Variants in PES1 observed in about 807,000 individuals in gnomAD.
PES1 encodes the protein pescadillo ribosomal biogenesis factor 1.
PES1 carries 31 observed loss-of-function variants against 77.1 expected under a neutral mutation model. The observed-to-expected ratio is 0.40, with a 90% CI of 0.30 to 0.54. The LOEUF is 0.54. Ranked by LOEUF, PES1 falls within the 20% of genes least tolerant of loss-of-function variation. The pLI is 0.45. For synonymous variants in PES1, 282 were observed against 303.0 expected (o/e 0.93, Z 0.72); for missense variants, 658 against 771.7 (o/e 0.85, Z 1.75).
In PES1 at chr22:30,579,740, A is replaced by G. The variant is rs772078207; in HGVS notation, c.1354+11T>C. The G allele has an allele frequency of 2.5e-6, 4 of 1,613,108 alleles. No homozygotes were observed. The highest frequency in any genetic ancestry group is 3.3e-5 in the Admixed American group (2 of 59,974). On this transcript the variant is annotated intron_variant, in intron 12 of 14. Coordinates refer to ENST00000354694, the MANE Select transcript of PES1 (RefSeq NM_014303.4). Reference sequence around the variant, plus strand: ...CAGGGGTCAAGGCCAGCCCAGTCCCATCCCGCTCACCTGGGTCCTCTCCCC... The same window carrying G: ...CAGGGGTCAAGGCCAGCCCAGTCCCGTCCCGCTCACCTGGGTCCTCTCCCC...
chr22:30,606,921 C>G lies in PES1; in HGVS notation c.-830G>C, dbSNP rs558860061. 325 of 1,067,650 alleles carry G rather than the reference C, an allele frequency of 3.0e-4. 5 individuals carry two copies. The African/African-American group carries it at 4.5e-3, about 15-fold the overall frequency. 66.1% of individuals were successfully genotyped at this position (1,067,650 alleles called of 1,614,324 possible). A position where few individuals can be genotyped will look rare whatever the true frequency, so the allele number is the denominator to read the frequency against. On this transcript the variant is annotated 5_prime_UTR_variant, in exon 1 of 17. Coordinates refer to the PES1 transcript ENST00000402281. ...GTAGGCACCCGGTCCTGCCAATCCA[C>G]CACTGGAACAGCTGGGGGGACAGCA...
At position 30,576,687 on chromosome 22, in the gene PES1, C is replaced by T. The variant is rs763802865; in HGVS notation, c.*359G>A. 6.3e-6 allele frequency: 2 copies of T among 318,836 alleles called. No homozygotes were observed. Among genetic ancestry groups the T allele is most frequent in the Admixed American group, 9.0e-5 (2 of 22,182 alleles). The allele number at this position is 318,836 out of a possible 1,614,324, so 19.8% of individuals were successfully genotyped here. ...TGCTCCCCCTACCCTCACCCCATCA[C>T]AGCACCCTGAGAATCACGGGTCCAA... On this transcript the variant is annotated 3_prime_UTR_variant, in exon 15 of 15. Coordinates refer to ENST00000354694, the MANE Select transcript of PES1 (RefSeq NM_014303.4).
At chr22:30,587,229 G>C in intron 4 of PES1, 57 bp downstream of exon 4, 1 of 1,219,634 alleles carries the variant, frequency 8.2e-7, no homozygotes, top group Non-Finnish European at 1.2e-6. Flanking sequence ...CTGGTGCTAG[G>C]GCAGAGACCA....
Position 30,579,770 on chromosome 22 carries a change from C to T in PES1, c.1335G>A (p.Leu445=). 6.2e-7 allele frequency: 1 copy of T among 1,613,952 alleles called. No individual in the cohort carries two copies. The highest frequency in any genetic ancestry group is 1.7e-4 in the Middle Eastern group (1 of 6,052). Residue 445 remains leucine (L), a synonymous_variant, in exon 12 of 15, where the codon CTG becomes CTA. Transcript: ENST00000354694. The stretch of plus-strand genomic sequence containing the variant: ...GCTCACCTGGGTCCTCTCCCCGCTG[C>T]AGAGCCAGCAGCTTCAGCTTCTCAG... ...VPPEKLKLLA[L]QRGEDPGNLN... is the part of the protein sequence containing the mutation.
chr22:30,584,233 G>A (rs548440177), intron 6 of PES1, 132 bp downstream of exon 6: 40 of 703,084 alleles, frequency 5.7e-5, no homozygotes, highest in Middle Eastern at 2.4e-4. Context: ...ATTCTGCCGC[G>A]CCTCACCCCT....
At position 30,587,289 on chromosome 22, in the gene PES1, T is replaced by G. The variant is rs776962846; in HGVS notation, c.365A>C (p.Glu122Ala). 6.2e-7 allele frequency: 1 copy of G among 1,606,654 alleles called. No individual in the cohort carries two copies. Among genetic ancestry groups the G allele is most frequent in the Non-Finnish European group, 8.5e-7 (1 of 1,173,712 alleles). The stretch of plus-strand genomic sequence containing the variant: ...TCCTGAGGAAAGCCCGGCTCACCGT[T>G]CCTTGATGATGTGGTCGAGTTTGTA... ...PNYKLDHIIK[E>A]RYPTFIDALR... Residue 122 changes from glutamate (E) to alanine (A), a missense_variant, in exon 4 of 15, where the codon GAA becomes GCA. By Grantham distance (107) the Glu-to-Ala change is moderately radical. Transcript: ENST00000354694.
chr22:30,595,719 T>C (rs538461588), upstream of PES1, among the ~76,000 whole-genome samples: 3 of 152,232 alleles, frequency 2.0e-5, no homozygotes, highest in East Asian at 3.9e-4. Context: ...GGAATGTCTT[T>C]GTCAACCCTG....
rs1224639963 is a variant in PES1, at chr22:30,605,227, G to C, written c.-661+234C>G. Among the ~76,000 whole-genome samples the C allele has an allele frequency of 2.0e-5, 3 of 152,248 alleles. No homozygotes were observed. In the East Asian group the frequency reaches 5.8e-4, roughly 29 times the overall value. ...TCTTGCCTAGACTGGTCTCAAACTT[G>C]TGGGCTCAAGCAATCCTCCTGCCTT... On this transcript the variant is annotated intron_variant, in intron 2 of 16. Transcript: ENST00000402281.
upstream of PES1, among the ~76,000 whole-genome samples, chr22:30,595,517 G>A (rs539708749): frequency 4.4e-5 from 6 of 137,266 alleles, no homozygotes; most frequent in South Asian, 2.3e-4. Context: ...CAGCCTGGGC[G>A]ACAAGAGTGA....
exon 1 of PES1, chr22:30,606,912 G>C: frequency 3.7e-6 from 4 of 1,068,430 alleles, no homozygotes; most frequent in Non-Finnish European, 4.6e-6. Flanking sequence ...ACCCGGTCCT[G>C]CCAATCCACC....
rs188170673 is a variant in PES1, at chr22:30,605,954, A to G, written c.-717-437T>C. On this transcript the variant is annotated intron_variant, in intron 1 of 16. Coordinates refer to the PES1 transcript ENST00000402281. ...ATTTTAAGGTCATAGTGTCTTCACAAATTGAGCTGAAAGGGAACTGTTAGG... is the reference window on the plus strand; with the variant it reads ...ATTTTAAGGTCATAGTGTCTTCACAGATTGAGCTGAAAGGGAACTGTTAGG... Among the ~76,000 whole-genome samples, 187 of 152,356 alleles carry G rather than the reference A, an allele frequency of 1.2e-3. 1 individual carries two copies. The highest frequency in any genetic ancestry group is 4.1e-3 in the African/African-American group (169 of 41,576).
At chr22:30,594,077 G>T (rs2087222171), upstream of PES1, among the ~76,000 whole-genome samples, 3 of 152,210 alleles carry the variant, frequency 2.0e-5, no homozygotes, top group South Asian at 6.2e-4. Flanking sequence ...GAAAAGCCCA[G>T]TCTCTGCAGG....
At chr22:30,606,419 T>C (rs2087444450) in intron 1 of PES1, among the ~76,000 whole-genome samples, 1 of 151,912 alleles carries the variant, frequency 6.6e-6, no homozygotes, top group Non-Finnish European at 1.5e-5. Context: ...TTGTATGTGT[T>C]TTTTGTGTTT....
Position 30,578,945 on chromosome 22 carries a change from G to A in PES1, c.1575C>T (p.Ala525=). 1 of 1,613,154 alleles carries A rather than the reference G, an allele frequency of 6.2e-7. No individual in the cohort carries two copies. The highest frequency in any genetic ancestry group is 8.5e-7 in the Non-Finnish European group (1 of 1,179,944). The change falls in exon 14 of 15, where the codon GCC becomes GCT. Residue 525 remains alanine (A), a synonymous_variant. Transcript: ENST00000354694. ...TLKLEDKQRL[A]QEEESEAKRL... is the part of the protein sequence containing the mutation. ...GCTTGGCCTCACTCTCCTCCTCCTG[G>A]GCCAGCCGCTGCTTATCCTCCAGCT... is the stretch of plus-strand genomic sequence containing the variant.
chr22:30,587,531 T>C (rs2087110361), intron 3 of PES1, 136 bp from the exon 4 acceptor site: 3 of 657,236 alleles, frequency 4.6e-6, no homozygotes, highest in Non-Finnish European at 7.9e-6. Flanking sequence ...CCTGTGTCAC[T>C]GACCCCTCTG....
chr22:30,602,879 T>A (rs935020441), intron 2 of PES1, among the ~76,000 whole-genome samples: 6 of 150,758 alleles, frequency 4.0e-5, no homozygotes, highest in Non-Finnish European at 8.8e-5. Flanking sequence ...ACACTAATAG[T>A]GTCTTGCTAT....
rs71200084 is a variant in PES1 at position 30,598,885 on chromosome 22, ATTTTTTTTTT to A, written c.-660-6497_-660-6488del. ...TTCAAGTTTATGTGACTTAAGTAAA[ATTTTTTTTTT>A]TTTTTTTTTTTTTTTTTTTGAGATG... On this transcript the variant is annotated intron_variant, in intron 2 of 16. Coordinates refer to the PES1 transcript ENST00000402281. Among the ~76,000 whole-genome samples, 68 of 51,230 alleles carry A rather than the reference ATTTTTTTTTT, an allele frequency of 1.3e-3. 3 individuals are homozygous for A. In the South Asian group the frequency reaches 0.028, roughly 21 times the overall value. The allele number at this position is 51,230 out of a possible 152,430, so 33.6% of individuals were successfully genotyped here. A position where few individuals can be genotyped will look rare whatever the true frequency, so the allele number is the denominator to read the frequency against.
At chr22:30,601,743 G>A (rs1232253649) in intron 2 of PES1, 1 of 151,494 alleles carries the variant, frequency 6.6e-6, no homozygotes, top group Non-Finnish European at 1.5e-5. Context: ...GGCTGCTTCC[G>A]GTTTTTAGCA....
chr22:30,604,628 C>CA (rs755643349), intron 2 of PES1, among the ~76,000 whole-genome samples: 2 of 21,442 alleles, frequency 9.3e-5, no homozygotes, highest in African/African-American at 5.1e-4. Context: ...GACCCTGTCT[C>CA]AAAAAAAATA....
Sources: gnomAD v4.1 joint callset for allele counts (sites outside exome capture counted in the v4.1 genomes callset) on GRCh38, gnomAD v4.1.1 for gene constraint, MANE v1.5 for transcripts, NCBI Gene and HGNC (gene_info 2026-07-23, HGNC 2026-07-21) for gene names.